The following DDAH1 variants were observed in gnomAD, a reference collection of about 807,000 sequenced individuals.
DDAH1 encodes the protein dimethylarginine dimethylaminohydrolase 1.
A neutral mutation model predicts 28.8 loss-of-function variants in DDAH1; 19 were observed. The ratio of observed to expected loss-of-function variants is 0.66; its 90% confidence interval spans 0.46 to 0.97. The LOEUF (loss-of-function observed/expected upper bound fraction) is 0.97, where lower values mean the gene tolerates loss of function less well. Among genes scored for constraint, DDAH1 ranks in the 50% least tolerant of loss-of-function variants. DDAH1 has a pLI of 0.00. For missense variants in DDAH1, 326 were observed against 375.9 expected (o/e 0.87, Z 1.10); for synonymous variants, 153 against 154.4 (o/e 0.99, Z 0.07).
chr1:85,367,156 G>A (rs2100876605), intron 1 of DDAH1, among the ~76,000 whole-genome samples: 1 of 152,148 alleles, frequency 6.6e-6, no homozygotes, highest in East Asian at 1.9e-4. Context: ...TGAGTTTTCT[G>A]TTAGCTGCAC....
intron 1 of DDAH1, among the ~76,000 whole-genome samples, chr1:85,388,425 T>C (rs1348668727): frequency 1.3e-5 from 2 of 152,166 alleles, no homozygotes; most frequent in Admixed American, 1.3e-4. Context: ...AACTATGAGA[T>C]TACAGAAATA....
At chr1:85,498,368 A>G (rs1570610813) in intron 1 of DDAH1, among the ~76,000 whole-genome samples, 1 of 152,220 alleles carries the variant, frequency 6.6e-6, no homozygotes, top group East Asian at 1.9e-4. Context: ...TCTTTTAAAG[A>G]CAATTGATTA....
Position 85,319,489 on chromosome 1 carries a change from T to C in DDAH1, c.*1963A>G, listed in dbSNP as rs1247470938. On this transcript the variant is annotated 3_prime_UTR_variant, in exon 6 of 6. Coordinates refer to ENST00000284031, the MANE Select transcript of DDAH1 (RefSeq NM_012137.4). ...AACTGGCAGATTGGGCCATTTTTCC[T>C]GTGGTTGTATTTGAGATGTTGAGCT... 6.6e-6 allele frequency: 1 copy of C among 152,232 alleles called. No homozygotes were observed. Among genetic ancestry groups the C allele is most frequent in the Non-Finnish European group, 1.5e-5 (1 of 68,038 alleles). The allele number at this position is 152,232 out of a possible 1,614,324, so 9.4% of individuals were successfully genotyped here.
chr1:85,405,427 G>A (rs1652358116), intron 1 of DDAH1, among the ~76,000 whole-genome samples: 1 of 152,154 alleles, frequency 6.6e-6, no homozygotes, highest in African/African-American at 2.4e-5. Flanking sequence ...GTACAGACAC[G>A]GAGATGGTTC....
In DDAH1 at chr1:85,373,766, A is replaced by C. The variant is rs991810552; in HGVS notation, c.304-14919T>G. Among the ~76,000 whole-genome samples the C allele has an allele frequency of 3.3e-5, 5 of 152,196 alleles. No individual in the cohort carries two copies. The East Asian group carries it at 9.6e-4, about 29-fold the overall frequency. The stretch of plus-strand genomic sequence containing the variant: ...AATACCCAGGGAGAAACTAAGAGAC[A>C]GCTCTAAGAACAAAAAGAATGTGGG... On this transcript the variant is annotated intron_variant, in intron 1 of 5. Coordinates refer to ENST00000284031, the MANE Select transcript of DDAH1 (RefSeq NM_012137.4).
intron 1 of DDAH1, among the ~76,000 whole-genome samples, chr1:85,377,555 C>G (rs41438644): frequency 0.039 from 5,872 of 152,090 alleles, 396 homozygotes; most frequent in African/African-American, 0.13. Context: ...CATTTTTAGA[C>G]GTTTCCATAC....
At chr1:85,391,587 C>T (rs965789382) in intron 1 of DDAH1, among the ~76,000 whole-genome samples, 1 of 152,090 alleles carries the variant, frequency 6.6e-6, no homozygotes, top group Non-Finnish European at 1.5e-5. Flanking sequence ...TTAGAGAAGC[C>T]CCAAAATGGG....
chr1:85,496,438 G>C (rs1298470086), intron 1 of DDAH1, among the ~76,000 whole-genome samples: 1 of 152,180 alleles, frequency 6.6e-6, no homozygotes, highest in Non-Finnish European at 1.5e-5. Context: ...ATAATAGAAA[G>C]ATGACTTTAA....
chr1:85,481,655 A>G (rs1656019342), intron 2 of DDAH1, among the ~76,000 whole-genome samples: 1 of 152,238 alleles, frequency 6.6e-6, no homozygotes, highest in Non-Finnish European at 1.5e-5. Context: ...CTATGTCTTC[A>G]TGAACAGTAC....
intron 1 of DDAH1, among the ~76,000 whole-genome samples, chr1:85,394,039 C>T (rs772363567): frequency 1.3e-5 from 2 of 152,036 alleles, no homozygotes; most frequent in African/African-American, 2.4e-5. Context: ...AATTAATTGG[C>T]TTAAAGAAAA....
chr1:85,535,134 C>T (rs1238446745), intron 1 of DDAH1, among the ~76,000 whole-genome samples: 4 of 152,048 alleles, frequency 2.6e-5, no homozygotes, highest in African/African-American at 7.2e-5. Flanking sequence ...GATACCATTA[C>T]GTAATTCAAA....
chr1:85,340,984 AC>A (rs1187478861), intron 4 of DDAH1, among the ~76,000 whole-genome samples: 104 of 152,204 alleles, frequency 6.8e-4, no homozygotes, highest in African/African-American at 2.5e-3. Context: ...GCTATGCCTG[AC>A]GTTCATTCAG....
At chr1:85,390,644 T>C (rs982173240) in intron 1 of DDAH1, among the ~76,000 whole-genome samples, 3 of 152,104 alleles carry the variant, frequency 2.0e-5, no homozygotes, top group Admixed American at 6.6e-5. Context: ...TCTTAGACGG[T>C]AGTCACAGTA....
chr1:85,354,681 T>TA (rs1649398432), intron 2 of DDAH1, among the ~76,000 whole-genome samples: 1 of 152,050 alleles, frequency 6.6e-6, no homozygotes, highest in South Asian at 2.1e-4. Flanking sequence ...AAAACCTCAT[T>TA]ACCTTTGAAT....
At chr1:85,330,290 G>T (rs182432939) in intron 4 of DDAH1, among the ~76,000 whole-genome samples, 6 of 152,352 alleles carry the variant, frequency 3.9e-5, no homozygotes, top group Admixed American at 3.9e-4. Flanking sequence ...CTGAGCAACA[G>T]TGAGGCCAAG....
At chr1:85,423,444 T>C (rs1653243480) in intron 1 of DDAH1, among the ~76,000 whole-genome samples, 1 of 152,220 alleles carries the variant, frequency 6.6e-6, no homozygotes, top group South Asian at 2.1e-4. Flanking sequence ...GTTTTCCACA[T>C]AGATCTTGTA....
chr1:85,490,322 A>G (rs747914169), intron 2 of DDAH1, among the ~76,000 whole-genome samples: 1 of 152,212 alleles, frequency 6.6e-6, no homozygotes, highest in Non-Finnish European at 1.5e-5. Context: ...GAAATGTGAA[A>G]TGAGTGGGAA....
At chr1:85,509,050 G>A (rs1224003988) in intron 1 of DDAH1, among the ~76,000 whole-genome samples, 1 of 152,250 alleles carries the variant, frequency 6.6e-6, no homozygotes, top group Admixed American at 6.5e-5. Flanking sequence ...TAGCCTAACT[G>A]GGAGACATCT....
intron 1 of DDAH1, among the ~76,000 whole-genome samples, chr1:85,526,907 A>G (rs1370172055): frequency 2.7e-5 from 4 of 150,432 alleles, no homozygotes; most frequent in Non-Finnish European, 5.9e-5. Flanking sequence ...GAGAGGCAGA[A>G]TCGGAAATGT....
Sources: gnomAD v4.1 joint callset for allele counts (sites outside exome capture counted in the v4.1 genomes callset) on GRCh38, gnomAD v4.1.1 for gene constraint, MANE v1.5 for transcripts, NCBI Gene and HGNC (gene_info 2026-07-23, HGNC 2026-07-21) for gene names.